RAB22A: variants seen among roughly 807,000 people sequenced by gnomAD.
RAB22A encodes ras-related protein Rab-22A.
A neutral mutation model predicts 30.2 loss-of-function variants in RAB22A; 13 were observed. The observed-to-expected ratio is 0.43, with a 90% CI of 0.28 to 0.68. The LOEUF is 0.68. Ranked by LOEUF, RAB22A falls within the 30% of genes least tolerant of loss-of-function variation. The pLI is 0.18. For synonymous variants in RAB22A, 89 were observed against 87.2 expected (o/e 1.02, Z -0.11); for missense variants, 177 against 246.8 (o/e 0.72, Z 1.89).
intron 2 of RAB22A, among the ~76,000 whole-genome samples, chr20:58,330,609 A>G (rs949066459): frequency 7.2e-5 from 11 of 152,162 alleles, no homozygotes; most frequent in African/African-American, 2.2e-4. Flanking sequence ...TTATGGGCTA[A>G]TCATCTTGAA....
intron 2 of RAB22A, among the ~76,000 whole-genome samples, chr20:58,314,693 T>C (rs1406761476): frequency 1.3e-5 from 2 of 151,720 alleles, no homozygotes; most frequent in Non-Finnish European, 2.9e-5. Context: ...ATACAAAAAT[T>C]AGCCAGATGT....
chr20:58,353,388 T>C (rs756618899), intron 4 of RAB22A, 44 bp downstream of exon 4: 14 of 1,608,780 alleles, frequency 8.7e-6, no homozygotes, highest in Non-Finnish European at 1.7e-6. Flanking sequence ...AAAACTCTTT[T>C]GGTTGCTTAG....
intron 2 of RAB22A, among the ~76,000 whole-genome samples, chr20:58,321,859 G>A (rs1177933078): frequency 6.6e-6 from 1 of 152,152 alleles, no homozygotes; most frequent in African/African-American, 2.4e-5. Flanking sequence ...AGAGTGCAGT[G>A]GTGCAGTCAC....
chr20:58,339,704 A>G (rs1023537638), intron 2 of RAB22A, among the ~76,000 whole-genome samples: 1 of 152,160 alleles, frequency 6.6e-6, no homozygotes, highest in Non-Finnish European at 1.5e-5. Context: ...TGTGATTGAG[A>G]TCTTGGAATT....
At chr20:58,333,559 A>C (rs898038438) in intron 2 of RAB22A, among the ~76,000 whole-genome samples, 1 of 152,252 alleles carries the variant, frequency 6.6e-6, no homozygotes, top group Non-Finnish European at 1.5e-5. Context: ...GAAGAAGTTA[A>C]GTAACAGGCA....
rs1987056981 is a variant in RAB22A at position 58,351,921 on chromosome 20, A to G, written c.199-1352A>G. ...AAAGGTTGTCAAAAATCAGGACCCA[A>G]CTATGTGCTGGTTATAAGAGGACTA... On this transcript the variant is annotated intron_variant, in intron 3 of 6. Coordinates refer to ENST00000244040, the MANE Select transcript of RAB22A (RefSeq NM_020673.3). 4.6e-5 allele frequency among the ~76,000 whole-genome samples: 7 copies of G among 152,388 alleles called. No individual in the cohort carries two copies. The South Asian group carries it at 1.4e-3, about 32-fold the overall frequency.
intron 2 of RAB22A, among the ~76,000 whole-genome samples, chr20:58,318,382 A>T (rs1166654103): frequency 6.6e-6 from 1 of 152,180 alleles, no homozygotes; most frequent in East Asian, 1.9e-4. Context: ...ATGCATGCAC[A>T]GGTTGAGTAT....
intron 2 of RAB22A, among the ~76,000 whole-genome samples, chr20:58,335,911 G>T (rs1033713790): frequency 6.6e-6 from 1 of 152,164 alleles, no homozygotes; most frequent in African/African-American, 2.4e-5. Context: ...GTCTTAAGTT[G>T]TCCCTTTTGT....
At chr20:58,346,203 C>T (rs755411607) in intron 3 of RAB22A, among the ~76,000 whole-genome samples, 38 of 152,242 alleles carry the variant, frequency 2.5e-4, no homozygotes, top group Non-Finnish European at 3.5e-4. Context: ...TTAGCCTTTT[C>T]GTGGGTCCCC....
chr20:58,327,333 T>C (rs1986586017), intron 2 of RAB22A, among the ~76,000 whole-genome samples: 1 of 152,244 alleles, frequency 6.6e-6, no homozygotes, highest in Non-Finnish European at 1.5e-5. Context: ...CCAAGTGGCC[T>C]AGCTCATATG....
intron 2 of RAB22A, among the ~76,000 whole-genome samples, chr20:58,331,151 C>G (rs1403019796): frequency 6.6e-6 from 1 of 152,162 alleles, no homozygotes; most frequent in East Asian, 1.9e-4. Flanking sequence ...AACTCAAGGT[C>G]TCTGTATTTA....
In RAB22A at chr20:58,335,094, A is replaced by G. The variant is rs562796013; in HGVS notation, c.117-8624A>G. ...CCATCTGGCAATAAAAAAACACTGT[A>G]GATGAATTTCAAAACCATTGTTAAA... On this transcript the variant is annotated intron_variant, in intron 2 of 6. Coordinates refer to ENST00000244040, the MANE Select transcript of RAB22A (RefSeq NM_020673.3). 2.0e-5 allele frequency among the ~76,000 whole-genome samples: 3 copies of G among 152,386 alleles called. No individual in the cohort carries two copies. In the South Asian group the frequency reaches 6.2e-4, roughly 32 times the overall value.
chr20:58,329,089 T>G (rs1237582987), intron 2 of RAB22A, among the ~76,000 whole-genome samples: 1 of 150,360 alleles, frequency 6.7e-6, no homozygotes, highest in Non-Finnish European at 1.5e-5. Flanking sequence ...AGCCTCATTC[T>G]GTCACCCAGG....
In RAB22A at chr20:58,343,772, A is replaced by T. The variant is rs952953571; in HGVS notation, c.171A>T (p.Leu57=). 1 of 1,610,908 alleles carries T rather than the reference A, an allele frequency of 6.2e-7. No individual in the cohort carries two copies. Among genetic ancestry groups the T allele is most frequent in the African/African-American group, 1.3e-5 (1 of 74,924 alleles). Residue 57 remains leucine (L), a synonymous_variant, in exon 3 of 7, where the codon CTA becomes CTT. Coordinates refer to ENST00000244040, the MANE Select transcript of RAB22A (RefSeq NM_020673.3). The part of the protein sequence containing the change: ...VQYQNELHKF[L]IWDTAGQERF... The stretch of plus-strand genomic sequence containing the variant: ...ACCAAAATGAGCTACATAAATTCCT[A>T]ATCTGGGATACAGCTGGACAAGAAC...
Position 58,366,536 on chromosome 20 carries a change from C to A in RAB22A, c.*6833C>A, listed in dbSNP as rs933421752. ...GAAATCCCAGTTACCCTCATTCAGT[C>A]CATTACACATTCGATACAGGTATCA... On this transcript the variant is annotated 3_prime_UTR_variant, in exon 7 of 7. Coordinates refer to ENST00000244040, the MANE Select transcript of RAB22A (RefSeq NM_020673.3). The A allele has an allele frequency of 1.3e-5, 2 of 152,130 alleles. No individual in the cohort carries two copies. The highest frequency in any genetic ancestry group is 4.8e-5 in the African/African-American group (2 of 41,410). 9.4% of individuals were successfully genotyped at this position (152,130 alleles called of 1,614,324 possible).
At chr20:58,310,135 T>A in intron 1 of RAB22A, 123 bp downstream of exon 1, 1 of 993,580 alleles carries the variant, frequency 1.0e-6, no homozygotes, top group Non-Finnish European at 1.3e-6. Flanking sequence ...GCCAGCCCCG[T>A]GGACCCTCCC....
At chr20:58,313,080 C>T (rs1293138529) in intron 2 of RAB22A, among the ~76,000 whole-genome samples, 1 of 152,092 alleles carries the variant, frequency 6.6e-6, no homozygotes, top group Non-Finnish European at 1.5e-5. Context: ...ACCCAGACAC[C>T]ACCTTGGCTA....
intron 2 of RAB22A, among the ~76,000 whole-genome samples, chr20:58,323,316 G>A (rs554114856): frequency 6.6e-6 from 1 of 152,154 alleles, no homozygotes; most frequent in Non-Finnish European, 1.5e-5. Flanking sequence ...AAAAATTGAA[G>A]TTATATCCAG....
chr20:58,352,796 C>T (rs1378490298), intron 3 of RAB22A, among the ~76,000 whole-genome samples: 5 of 152,186 alleles, frequency 3.3e-5, no homozygotes, highest in African/African-American at 1.2e-4. Context: ...CAAACTCATC[C>T]AAGTAGTGAA....
Sources: allele counts gnomAD v4.1 joint callset (sites outside exome capture counted in the v4.1 genomes callset), GRCh38; gene constraint gnomAD v4.1.1; transcripts MANE v1.5; gene names NCBI Gene and HGNC (gene_info 2026-07-23, HGNC 2026-07-21).